The following GRIA3 variants were observed in gnomAD, a reference collection of about 807,000 sequenced individuals.
GRIA3 encodes glutamate receptor 3.
GRIA3 carries 3 observed loss-of-function variants against 63.0 expected under a neutral mutation model. The observed-to-expected ratio is 0.05, with a 90% CI of 0.02 to 0.12. The LOEUF (loss-of-function observed/expected upper bound fraction) is 0.12, where lower values mean the gene tolerates loss of function less well. Among genes scored for constraint, GRIA3 ranks in the 10% least tolerant of loss-of-function variants. GRIA3 has a pLI of 1.00. For missense variants in GRIA3, 347 were observed against 700.9 expected (o/e 0.50, Z 5.70); for synonymous variants, 274 against 257.9 (o/e 1.06, Z -0.60).
intron 3 of GRIA3, among the ~76,000 whole-genome samples, chrX:123,323,582 A>T (rs2044882029): frequency 8.9e-6 from 1 of 112,389 alleles, no homozygotes; most frequent in Admixed American, 9.5e-5. Context: ...AAGATAATTC[A>T]GAAAGGTCTG....
intron 8 of GRIA3, 86 bp from the exon 9 acceptor site, chrX:123,403,326 T>TTTTG: frequency 1.4e-6 from 1 of 699,914 alleles, no homozygotes; most frequent in Non-Finnish European, 2.3e-6. Context: ...CTCAAGAAAG[T>TTTTG]TTTGTTCCAC....
chrX:123,400,456 A>C (rs1454712031), intron 7 of GRIA3, among the ~76,000 whole-genome samples: 1 of 112,038 alleles, frequency 8.9e-6, no homozygotes, highest in Non-Finnish European at 1.9e-5. Flanking sequence ...ACTCAGAGGG[A>C]CTGTAAGGGA....
At chrX:123,224,971 C>T (rs753633536) in intron 2 of GRIA3, among the ~76,000 whole-genome samples, 1 of 111,524 alleles carries the variant, frequency 9.0e-6, no homozygotes, top group East Asian at 2.8e-4. Context: ...CAGAATTAAT[C>T]GTGGTTTCCT....
chrX:123,420,825 T>C (rs973692262), intron 11 of GRIA3, among the ~76,000 whole-genome samples: 8 of 111,588 alleles, frequency 7.2e-5, no homozygotes, highest in African/African-American at 1.9e-4. Context: ...TGGCTCTTCT[T>C]TGGCACTGAG....
In GRIA3 at chrX:123,488,991, T is replaced by C. The variant is rs962198750; in HGVS notation, c.*281T>C. 1.8e-5 allele frequency: 2 copies of C among 108,601 alleles called. No individual in the cohort carries two copies. Among genetic ancestry groups the C allele is most frequent in the Non-Finnish European group, 3.8e-5 (2 of 52,371 alleles). The allele number at this position is 108,601 out of a possible 1,213,427, so 8.9% of individuals were successfully genotyped here. On this transcript the variant is annotated 3_prime_UTR_variant, in exon 16 of 16. Coordinates refer to ENST00000620443, the MANE Select transcript of GRIA3 (RefSeq NM_007325.5). Reference sequence around the variant, plus strand: ...ACCAACAAAAATGGACATGCAAGATTCCAGTATGCGAAAAAAAATCTTATT... The same window carrying C: ...ACCAACAAAAATGGACATGCAAGATCCCAGTATGCGAAAAAAAATCTTATT...
chrX:123,239,894 C>T (rs776102908), intron 2 of GRIA3, among the ~76,000 whole-genome samples: 1 of 112,273 alleles, frequency 8.9e-6, no homozygotes, highest in South Asian at 3.7e-4. Flanking sequence ...AGTTAACAGA[C>T]ATGAGACACA....
chrX:123,342,181 G>A (rs1303062840), intron 4 of GRIA3, among the ~76,000 whole-genome samples: 2 of 111,773 alleles, frequency 1.8e-5, no homozygotes, highest in Non-Finnish European at 3.8e-5. Flanking sequence ...CCCAATCAGC[G>A]CCCCCTGCTT....
chrX:123,385,753 T>C (rs1328175422), intron 5 of GRIA3, among the ~76,000 whole-genome samples: 1 of 111,965 alleles, frequency 8.9e-6, no homozygotes, highest in Non-Finnish European at 1.9e-5. Context: ...CTCTGCCTAT[T>C]GTCAATGGGA....
Position 123,246,275 on chromosome X carries a change from T to C in GRIA3, c.269-7028T>C, listed in dbSNP as rs190109177. Among the ~76,000 whole-genome samples, 391 of 112,025 alleles carry C rather than the reference T, an allele frequency of 3.5e-3. 1 individual carries two copies. The highest frequency in any genetic ancestry group is 6.1e-3 in the Non-Finnish European group (324 of 53,192). On this transcript the variant is annotated intron_variant, in intron 2 of 15. Coordinates refer to ENST00000620443, the MANE Select transcript of GRIA3 (RefSeq NM_007325.5). ...CTGTAAAAAATTACCACAAACTTAA[T>C]AGCTTAAATTGACACAAGACTATTA...
At chrX:123,294,768 T>C (rs1256731990) in intron 3 of GRIA3, among the ~76,000 whole-genome samples, 1 of 111,355 alleles carries the variant, frequency 9.0e-6, no homozygotes, top group African/African-American at 3.3e-5. Flanking sequence ...CCTTCTTCCA[T>C]TTCTTACGTG....
intron 3 of GRIA3, among the ~76,000 whole-genome samples, chrX:123,321,235 G>A (rs186969496): frequency 2.1e-4 from 23 of 111,952 alleles, no homozygotes; most frequent in Admixed American, 1.5e-3. Context: ...AGAACATTTC[G>A]AGAGGGCCAG....
In GRIA3 at chrX:123,424,282, A is replaced by T. The variant is rs377343799; in HGVS notation, c.1878-3659A>T. On this transcript the variant is annotated intron_variant, in intron 11 of 15. Transcript: ENST00000620443. ...GATTGACCCATCAGTCACTTTTTAT[A>T]TAACCTCCATGTGAAATGTGAGTTT... Among the ~76,000 whole-genome samples, 64 of 112,001 alleles carry T rather than the reference A, an allele frequency of 5.7e-4. 2 individuals carry two copies. The South Asian group carries it at 0.023, about 40-fold the overall frequency.
intron 13 of GRIA3, among the ~76,000 whole-genome samples, chrX:123,475,838 T>G (rs2147442284): frequency 9.0e-6 from 1 of 111,400 alleles, no homozygotes; most frequent in South Asian, 3.8e-4. Context: ...AGAGCAAAAA[T>G]AAAGAGGGAT....
chrX:123,185,736 CATT>C, intron 1 of GRIA3, 93 bp from the exon 2 acceptor site: 1 of 659,943 alleles, frequency 1.5e-6, no homozygotes, highest in Non-Finnish European at 2.5e-6. Context: ...ACCCCAGTAT[CATT>C]GAGAGGTATC....
chrX:123,375,472 G>T (rs2045279113), intron 5 of GRIA3, among the ~76,000 whole-genome samples: 1 of 111,571 alleles, frequency 9.0e-6, no homozygotes, highest in African/African-American at 3.3e-5. Context: ...GTAAGTCTAG[G>T]GATAATTTAT....
intron 3 of GRIA3, among the ~76,000 whole-genome samples, chrX:123,292,985 C>T (rs373225686): frequency 1.6e-4 from 18 of 110,776 alleles, no homozygotes; most frequent in African/African-American, 5.6e-4. Context: ...ATCTGGTTGG[C>T]CTATTGTCAC....
At chrX:123,472,830 G>T (rs2045870635) in intron 13 of GRIA3, among the ~76,000 whole-genome samples, 1 of 112,770 alleles carries the variant, frequency 8.9e-6, no homozygotes, top group South Asian at 3.6e-4. Flanking sequence ...CACTAGCATT[G>T]TTAGGCCCTT....
At chrX:123,343,597 G>C (rs1210195310) in intron 4 of GRIA3, among the ~76,000 whole-genome samples, 3 of 107,791 alleles carry the variant, frequency 2.8e-5, no homozygotes. Flanking sequence ...GAAAGACAGA[G>C]AGAGAGAGAG....
chrX:123,313,463 G>C (rs904689722), intron 3 of GRIA3, among the ~76,000 whole-genome samples: 1 of 110,992 alleles, frequency 9.0e-6, no homozygotes, highest in African/African-American at 3.3e-5. Context: ...AGCACTCCTG[G>C]AGGCACAGCA....
Sources: gnomAD v4.1 joint callset for allele counts (sites outside exome capture counted in the v4.1 genomes callset) on GRCh38, gnomAD v4.1.1 for gene constraint, MANE v1.5 for transcripts, NCBI Gene and HGNC (gene_info 2026-07-23, HGNC 2026-07-21) for gene names.